Variants in FAM110B observed in about 807,000 individuals in gnomAD.
FAM110B encodes protein FAM110B.
Under a neutral mutation model 20.4 loss-of-function variants are expected in FAM110B, and 6 were observed. That is an observed-to-expected ratio of 0.29 (90% CI 0.16 to 0.58). FAM110B has a LOEUF of 0.58. Ranked by LOEUF, FAM110B falls within the 20% of genes least tolerant of loss-of-function variation. The pLI is 0.90. For missense variants in FAM110B, 434 were observed against 498.2 expected, an observed-to-expected ratio of 0.87 and a Z score of 1.23; for synonymous variants, 226 against 214.1, an observed-to-expected ratio of 1.06 and a Z score of -0.49.
chr8:58,034,845 T>C (rs1805043017), intron 2 of FAM110B, among the ~76,000 whole-genome samples: 1 of 152,196 alleles, frequency 6.6e-6, no homozygotes, highest in African/African-American at 2.4e-5. Flanking sequence ...CCCTCCGTGA[T>C]AATGGTAAAG....
chr8:57,998,360 A>G (rs1804226268), intron 1 of FAM110B, among the ~76,000 whole-genome samples: 1 of 152,244 alleles, frequency 6.6e-6, no homozygotes, highest in Admixed American at 6.5e-5. Context: ...TTCTGAGAGC[A>G]GCACAGCTCC....
At position 58,146,220 on chromosome 8, in the gene FAM110B, G is replaced by C; in HGVS notation, c.-11G>C. The C allele has an allele frequency of 1.3e-6, 2 of 1,581,210 alleles. No individual in the cohort carries two copies. Among genetic ancestry groups the C allele is most frequent in the South Asian group, 1.1e-5 (1 of 87,424 alleles). On this transcript the variant is annotated 5_prime_UTR_variant, in exon 4 of 4. Coordinates refer to ENST00000519262, the MANE Select transcript of FAM110B (RefSeq NM_001377989.1). The stretch of plus-strand genomic sequence containing the variant: ...GCATCCAACACGGCTGCCGGGGAAA[G>C]ACCGCCCACCATGCCCACGGAGACC...
At chr8:58,090,367 C>T (rs1806445115) in intron 3 of FAM110B, among the ~76,000 whole-genome samples, 1 of 152,170 alleles carries the variant, frequency 6.6e-6, no homozygotes, top group African/African-American at 2.4e-5. Flanking sequence ...CACCGTGTTG[C>T]CCAGGCTGGT....
chr8:58,011,455 AC>A (rs1156894846), intron 1 of FAM110B, among the ~76,000 whole-genome samples: 1 of 152,138 alleles, frequency 6.6e-6, no homozygotes, highest in Non-Finnish European at 1.5e-5. Context: ...CCTATGGTTC[AC>A]CTTTTGACAT....
chr8:58,039,649 G>T (rs1462639533), intron 2 of FAM110B, among the ~76,000 whole-genome samples: 2 of 152,228 alleles, frequency 1.3e-5, no homozygotes, highest in Non-Finnish European at 2.9e-5. Context: ...AGGAATTTCA[G>T]AGCCAAATTT....
At chr8:58,024,414 C>G (rs1298547579) in intron 1 of FAM110B, among the ~76,000 whole-genome samples, 1 of 151,978 alleles carries the variant, frequency 6.6e-6, no homozygotes, top group Non-Finnish European at 1.5e-5. Context: ...GTTGGGAAAT[C>G]AATGATCCAT....
intron 3 of FAM110B, among the ~76,000 whole-genome samples, chr8:58,128,905 T>C (rs1489268054): frequency 6.6e-6 from 1 of 152,174 alleles, no homozygotes; most frequent in Non-Finnish European, 1.5e-5. Flanking sequence ...TTTAGCCTGC[T>C]AAAAGGAATC....
chr8:58,106,595 C>T (rs191414641), intron 3 of FAM110B, among the ~76,000 whole-genome samples: 3 of 152,244 alleles, frequency 2.0e-5, no homozygotes, highest in Admixed American at 2.0e-4. Context: ...GACTTATCAG[C>T]ATAAATGAGG....
chr8:58,017,115 G>T, intron 1 of FAM110B, among the ~76,000 whole-genome samples: 1 of 152,298 alleles, frequency 6.6e-6, no homozygotes, highest in Non-Finnish European at 1.5e-5. Context: ...AGGTAAGGGA[G>T]TTAGTGCTTC....
chr8:58,079,946 G>A (rs1806148343), intron 3 of FAM110B, among the ~76,000 whole-genome samples: 1 of 152,206 alleles, frequency 6.6e-6, no homozygotes, highest in Non-Finnish European at 1.5e-5. Flanking sequence ...GAGGAAGGAT[G>A]GGCTACAGTT....
At chr8:58,084,634 C>T (rs1037828655) in intron 3 of FAM110B, among the ~76,000 whole-genome samples, 1 of 152,166 alleles carries the variant, frequency 6.6e-6, no homozygotes, top group Non-Finnish European at 1.5e-5. Context: ...GTGATGCTCC[C>T]ACCTCAGGCG....
At chr8:58,072,965 T>C (rs1240218142) in intron 2 of FAM110B, among the ~76,000 whole-genome samples, 1 of 152,248 alleles carries the variant, frequency 6.6e-6, no homozygotes, top group Non-Finnish European at 1.5e-5. Flanking sequence ...GGTGGATTTG[T>C]GGCTGGTCAC....
chr8:58,064,845 G>A (rs1228961491), intron 2 of FAM110B, among the ~76,000 whole-genome samples: 2 of 152,142 alleles, frequency 1.3e-5, no homozygotes, highest in African/African-American at 4.8e-5. Flanking sequence ...GTAATAAATG[G>A]CATAGAAGGA....
At position 58,122,093 on chromosome 8, in the gene FAM110B, G is replaced by C. The variant is rs373204655; in HGVS notation, c.-324-23814G>C. Among the ~76,000 whole-genome samples, 67 of 152,192 alleles carry C rather than the reference G, an allele frequency of 4.4e-4. 1 individual carries two copies. In the South Asian group the frequency reaches 0.014, roughly 31 times the overall value. On this transcript the variant is annotated intron_variant, in intron 3 of 3. Transcript: ENST00000519262. ...GTATCTTTATTCTATCCTTCTGCTT[G>C]AAGAAGGATTCTCTGAGCATAAAAC...
chr8:58,145,673 A>G (rs1585924310), intron 3 of FAM110B, among the ~76,000 whole-genome samples: 1 of 152,148 alleles, frequency 6.6e-6, no homozygotes, highest in Admixed American at 6.5e-5. Context: ...CGCGTGGGAA[A>G]CCTCAGCCCT....
At chr8:58,070,576 A>G (rs1805874942) in intron 2 of FAM110B, among the ~76,000 whole-genome samples, 1 of 152,178 alleles carries the variant, frequency 6.6e-6, no homozygotes, top group Non-Finnish European at 1.5e-5. Context: ...TTCACCAAGG[A>G]ATAATGTTTT....
At chr8:58,022,812 G>C (rs770620963) in intron 1 of FAM110B, among the ~76,000 whole-genome samples, 19 of 152,304 alleles carry the variant, frequency 1.2e-4, no homozygotes, top group Non-Finnish European at 1.0e-4. Context: ...CTTGAAGAAG[G>C]CTCCAATTAT....
chr8:58,043,036 G>A (rs1462319334), intron 2 of FAM110B: 2 of 152,226 alleles, frequency 1.3e-5, no homozygotes, highest in Admixed American at 6.5e-5. Flanking sequence ...CGATGCACCA[G>A]GGATTAGCTG....
chr8:58,001,794 A>G (rs545161113), intron 1 of FAM110B, among the ~76,000 whole-genome samples: 30 of 152,274 alleles, frequency 2.0e-4, no homozygotes, highest in African/African-American at 7.2e-4. Flanking sequence ...ACCAGATGGT[A>G]TTAATTATTC....
Sources: allele counts gnomAD v4.1 joint callset (sites outside exome capture counted in the v4.1 genomes callset), GRCh38; gene constraint gnomAD v4.1.1; transcripts MANE v1.5; gene names NCBI Gene and HGNC (gene_info 2026-07-23, HGNC 2026-07-21).